Variants in SORCS1 observed in about 807,000 individuals in gnomAD.
SORCS1 encodes sortilin related VPS10 domain containing receptor 1, also known as VPS10 domain-containing receptor SorCS1.
SORCS1 carries 60 observed loss-of-function variants against 146.1 expected under a neutral mutation model. The ratio of observed to expected loss-of-function variants is 0.41; its 90% confidence interval spans 0.33 to 0.51. The LOEUF (loss-of-function observed/expected upper bound fraction) is 0.51. Among genes scored for constraint, SORCS1 ranks in the 20% least tolerant of loss-of-function variants. The pLI is 0.21. For synonymous variants in SORCS1, 637 were observed against 584.0 expected, an observed-to-expected ratio of 1.09 and a Z score of -1.31; for missense variants, 1,352 against 1,487.6, an observed-to-expected ratio of 0.91 and a Z score of 1.50.
intron 24 of SORCS1, among the ~76,000 whole-genome samples, chr10:106,596,796 T>C (rs1488919208): frequency 6.6e-6 from 1 of 152,154 alleles, no homozygotes; most frequent in Non-Finnish European, 1.5e-5. Context: ...TCTGATGAGA[T>C]AAATAAAGCA....
chr10:106,739,492 G>GA (rs760438849), intron 5 of SORCS1, among the ~76,000 whole-genome samples: 4,526 of 115,972 alleles, frequency 0.039, 96 homozygotes, highest in Non-Finnish European at 0.057. Flanking sequence ...GTCTCAAAAA[G>GA]AAAAAAAAAA....
rs1011352193 is a variant in SORCS1 at position 106,946,088 on chromosome 10, G to A, written c.626+10425C>T. On this transcript the variant is annotated intron_variant, in intron 2 of 25. Transcript: ENST00000263054. ...ATGTCATGGAATTTCTCGAGGTCACGTAGCACATTATTCAGAACTGTATCA... is the reference window on the plus strand; with the variant it reads ...ATGTCATGGAATTTCTCGAGGTCACATAGCACATTATTCAGAACTGTATCA... 1.8e-4 allele frequency among the ~76,000 whole-genome samples: 28 copies of A among 152,178 alleles called. No homozygotes were observed. The East Asian group carries it at 1.9e-3, about 10-fold the overall frequency.
intron 1 of SORCS1, among the ~76,000 whole-genome samples, chr10:106,978,143 C>T (rs1483582300): frequency 1.3e-5 from 2 of 152,138 alleles, no homozygotes; most frequent in African/African-American, 4.8e-5. Flanking sequence ...CAGGGTTTCA[C>T]CATGTTGGCC....
intron 1 of SORCS1, among the ~76,000 whole-genome samples, chr10:107,112,746 A>C (rs923631420): frequency 6.6e-6 from 1 of 152,210 alleles, no homozygotes; most frequent in African/African-American, 2.4e-5. Context: ...CTTATATCAG[A>C]CAACATAGAT....
intron 3 of SORCS1, among the ~76,000 whole-genome samples, chr10:106,792,248 G>A (rs1589887402): frequency 2.6e-5 from 4 of 152,248 alleles, no homozygotes; most frequent in East Asian, 3.9e-4. Context: ...CAGTAATTGC[G>A]TTCCCGAAAT....
rs568553587 is a variant in SORCS1 at position 106,646,773 on chromosome 10, T to C, written c.2475+5609A>G. Among the ~76,000 whole-genome samples the C allele has an allele frequency of 3.3e-5, 5 of 152,160 alleles. No homozygotes were observed. In the South Asian group the frequency reaches 1.0e-3, roughly 32 times the overall value. ...TCCAGTTATAATTATGTTTGTATAT[T>C]ATGTGAGATAAAGATTCATGTATTC... On this transcript the variant is annotated intron_variant, in intron 18 of 25. Coordinates refer to ENST00000263054, the MANE Select transcript of SORCS1 (RefSeq NM_052918.5).
At chr10:106,983,792 G>A (rs7897726) in intron 1 of SORCS1, among the ~76,000 whole-genome samples, 43,389 of 151,964 alleles carry the variant, frequency 0.29, 6,354 homozygotes, top group Middle Eastern at 0.36. Flanking sequence ...AACTTAACAC[G>A]GAAGAGCAGC....
intron 1 of SORCS1, among the ~76,000 whole-genome samples, chr10:107,032,765 C>T (rs1413154295): frequency 6.6e-6 from 1 of 152,198 alleles, no homozygotes; most frequent in African/African-American, 2.4e-5. Context: ...AAGAGGCAAT[C>T]ATTCAGGGCT....
intron 2 of SORCS1, among the ~76,000 whole-genome samples, chr10:106,844,234 T>A (rs1409717861): frequency 6.6e-6 from 1 of 152,220 alleles, no homozygotes; most frequent in East Asian, 1.9e-4. Context: ...ATCAGGTTTT[T>A]TGTTTAATTT....
chr10:107,130,805 T>A (rs76540481), intron 1 of SORCS1, among the ~76,000 whole-genome samples: 4,798 of 152,170 alleles, frequency 0.032, 91 homozygotes, highest in Non-Finnish European at 0.048. Context: ...TGAAATTTAC[T>A]ATCTTAACCA....
intron 5 of SORCS1, among the ~76,000 whole-genome samples, chr10:106,755,904 G>A (rs950341116): frequency 1.6e-4 from 24 of 152,188 alleles, no homozygotes; most frequent in African/African-American, 5.8e-4. Flanking sequence ...TGAGGCAGGC[G>A]GATTGCCTGA....
At chr10:106,878,817 G>A (rs193159881) in intron 2 of SORCS1, among the ~76,000 whole-genome samples, 252 of 150,918 alleles carry the variant, frequency 1.7e-3, no homozygotes, top group African/African-American at 6.0e-3. Context: ...TTTACAGAAT[G>A]TGACTCCCAT....
At chr10:106,848,306 C>T (rs1295841472) in intron 2 of SORCS1, among the ~76,000 whole-genome samples, 3 of 43,028 alleles carry the variant, frequency 7.0e-5, no homozygotes, top group African/African-American at 1.6e-4. Context: ...TAGTTAGCTC[C>T]TCTTGTTGAA....
chr10:106,815,531 C>A (rs987521770), intron 3 of SORCS1, among the ~76,000 whole-genome samples: 1 of 152,128 alleles, frequency 6.6e-6, no homozygotes, highest in Admixed American at 6.5e-5. Flanking sequence ...ATCTTCTGGG[C>A]TTTATCAAAT....
intron 21 of SORCS1, among the ~76,000 whole-genome samples, chr10:106,616,485 A>G (rs563845333): frequency 6.6e-6 from 1 of 152,266 alleles, no homozygotes; most frequent in African/African-American, 2.4e-5. Context: ...CCTGCTTTAC[A>G]CTAGGGTTGT....
intron 24 of SORCS1, among the ~76,000 whole-genome samples, chr10:106,594,690 C>T (rs7073019): frequency 0.013 from 2,039 of 152,248 alleles, 52 homozygotes; most frequent in African/African-American, 0.047. Flanking sequence ...GCACTGTGTT[C>T]GGATACACCA....
chr10:106,737,708 A>T (rs3982437), intron 5 of SORCS1, among the ~76,000 whole-genome samples: 1 of 151,336 alleles, frequency 6.6e-6, no homozygotes, highest in Non-Finnish European at 1.5e-5. Flanking sequence ...ACCCACCCCC[A>T]CCAAAAAAGG....
intron 1 of SORCS1, among the ~76,000 whole-genome samples, chr10:107,010,962 C>T (rs1957672785): frequency 6.6e-6 from 1 of 152,156 alleles, no homozygotes; most frequent in Admixed American, 6.5e-5. Flanking sequence ...CATAAGTCAA[C>T]TGAACCACAT....
At chr10:106,965,981 C>A (rs953332183) in intron 1 of SORCS1, among the ~76,000 whole-genome samples, 2 of 152,104 alleles carry the variant, frequency 1.3e-5, no homozygotes, top group Admixed American at 6.6e-5. Context: ...TTAATTATTA[C>A]GTTTTTTAAA....
Sources: allele counts gnomAD v4.1 joint callset (sites outside exome capture counted in the v4.1 genomes callset), GRCh38; gene constraint gnomAD v4.1.1; transcripts MANE v1.5; gene names NCBI Gene and HGNC (gene_info 2026-07-23, HGNC 2026-07-21).